SLC39A5: variants seen among roughly 807,000 people sequenced by gnomAD.
SLC39A5 encodes zinc transporter ZIP5.
In SLC39A5, 42 loss-of-function variants were observed where a neutral mutation model predicts 46.9. The ratio of observed to expected loss-of-function variants is 0.90; its 90% CI spans 0.70 to 1.16. SLC39A5 has a LOEUF of 1.16. Ranked by LOEUF, SLC39A5 falls within the 50% of genes most tolerant of loss-of-function variation. The pLI is 0.00. For synonymous variants in SLC39A5, 311 were observed against 323.1 expected (o/e 0.96, Z 0.40); for missense variants, 677 against 686.8 (o/e 0.99, Z 0.16).
At position 56,236,698 on chromosome 12, in the gene SLC39A5, G is replaced by A; in HGVS notation, c.1159G>A (p.Val387Ile). 1 of 1,612,374 alleles carries A rather than the reference G, an allele frequency of 6.2e-7. No individual in the cohort carries two copies. The highest frequency in any genetic ancestry group is 8.5e-7 in the Non-Finnish European group (1 of 1,178,886). Residue 387 changes from valine (V) to isoleucine (I), a missense_variant, in exon 10 of 13, where the codon GTC becomes ATC. By Grantham distance (29) the Val-to-Ile change is conservative. Transcript: ENST00000454355. ...HQGGTDITWM[V>I]LLGDGLHNLT... The stretch of plus-strand genomic sequence containing the variant: ...GGGTGGCACTGATATCACGTGGATG[G>A]TCCTCCTGGGAGATGGTCTACACAA...
In SLC39A5 at chr12:56,237,584, T is replaced by TCAGCTACCAGCCCTGCTTCGTCCTCCGG. The variant is rs1565603754; in HGVS notation, c.1480-3_1504dup. 6.2e-7 allele frequency: 1 copy of TCAGCTACCAGCCCTGCTTCGTCCTCCGG among 1,613,830 alleles called. No homozygotes were observed. The highest frequency in any genetic ancestry group is 8.5e-7 in the Non-Finnish European group (1 of 1,179,934). On this transcript the variant is annotated splice_polypyrimidine_tract_variant and splice_region_variant and intron_variant, in intron 12 of 12. Transcript: ENST00000454355. ...AGAATCCTGACATCCTCTTTTTCTT[T>TCAGCTACCAGCCCTGCTTCGTCCTCCGG]CAGCTACCAGCCCTGCTTCGTCCTC...
chr12:56,233,169 G>A (rs1355635124), intron 5 of SLC39A5, among the ~76,000 whole-genome samples: 1 of 148,718 alleles, frequency 6.7e-6, no homozygotes, highest in African/African-American at 2.5e-5. Context: ...AGGCTGAGGT[G>A]AGAAAATTGC....
rs749357865 is a variant in SLC39A5 at position 56,234,868 on chromosome 12, C to T, written c.516C>T (p.Pro172=). ...SQLLVNFGLS[P]AAPLTPRQFA... ...TGCTGGTCAATTTTGGCTTGAGCCC[C>T]GCTGCTCCTCTGACCCCTCGTCAGT... is the stretch of plus-strand genomic sequence containing the variant. Residue 172 remains proline, a synonymous_variant, in exon 6 of 13, where the codon CCC becomes CCT. Transcript: ENST00000454355. 1.2e-5 allele frequency: 19 copies of T among 1,613,620 alleles called. No individual in the cohort carries two copies. Among genetic ancestry groups the T allele is most frequent in the South Asian group, 3.3e-5 (3 of 91,088 alleles).
At chr12:56,235,353 C>T (rs771593457) in intron 7 of SLC39A5, 27 bp downstream of exon 7, 23 of 1,507,898 alleles carry the variant, frequency 1.5e-5, no homozygotes, top group South Asian at 2.6e-5. Flanking sequence ...CCTTGTACCC[C>T]TGGCCTCCAT....
chr12:56,235,680 C>G lies in SLC39A5; in HGVS notation c.925C>G (p.Arg309Gly). 6.2e-7 allele frequency: 1 copy of G among 1,613,932 alleles called. No homozygotes were observed. The highest frequency in any genetic ancestry group is 8.5e-7 in the Non-Finnish European group (1 of 1,179,984). ...FVLENMLGLL[R>G]HRGLRPRCCR... is the part of the protein sequence containing the mutation. ...GCTGGAGAACATGCTGGGGCTTTTGCGGCACCGAGGGCTCAGGCCAGTGAG... is the reference window on the plus strand; with the variant it reads ...GCTGGAGAACATGCTGGGGCTTTTGGGGCACCGAGGGCTCAGGCCAGTGAG... Residue 309 changes from arginine to glycine, a missense_variant, in exon 8 of 13, where the codon CGG (arginine) becomes GGG (glycine). Arg to Gly is a moderately radical substitution (Grantham distance 125, BLOSUM62 -2). Transcript: ENST00000454355.
At chr12:56,232,587 C>T in intron 4 of SLC39A5, 102 bp from the exon 5 acceptor site, 1 of 1,008,938 alleles carries the variant, frequency 9.9e-7, no homozygotes, top group Non-Finnish European at 1.4e-6. Context: ...GATCTCCAGT[C>T]AGTGGCTAGT....
At position 56,234,972 on chromosome 12, in the gene SLC39A5, G is replaced by A; in HGVS notation, c.620G>A (p.Gly207Glu). 1.2e-6 allele frequency: 2 copies of A among 1,613,310 alleles called. No individual in the cohort carries two copies. Among genetic ancestry groups the A allele is most frequent in the Non-Finnish European group, 1.7e-6 (2 of 1,180,006 alleles). ...CIGAPAPAPPGDLLSALLQSA... is the reference protein window; with the variant it reads ...CIGAPAPAPPEDLLSALLQSA... Reference sequence around the variant, plus strand: ...GGCGCTCCGGCCCCTGCACCCCCAGGGGATCTACTATCTGGTCAGCAAGTA... The same window carrying A: ...GGCGCTCCGGCCCCTGCACCCCCAGAGGATCTACTATCTGGTCAGCAAGTA... The change falls in exon 6 of 13, where the codon GGG (glycine) becomes GAG (glutamate). Residue 207 changes from glycine to glutamate, a missense_variant. Physicochemically the swap from Gly to Glu is moderately conservative, Grantham distance 98. Coordinates refer to ENST00000454355, the MANE Select transcript of SLC39A5 (RefSeq NM_173596.3).
Position 56,234,948 on chromosome 12 carries a change from GCGCTCCGGC to G in SLC39A5, c.598_606del (p.Ala200_Ala202del). The G allele has an allele frequency of 6.2e-7, 1 of 1,613,622 alleles. No individual in the cohort carries two copies. The highest frequency in any genetic ancestry group is 8.5e-7 in the Non-Finnish European group (1 of 1,180,022). On this transcript the variant is annotated inframe_deletion, in exon 6 of 13. Coordinates refer to ENST00000454355, the MANE Select transcript of SLC39A5 (RefSeq NM_173596.3). ...CAGATCGACAGCCGCGTCTGCATCG[GCGCTCCGGC>G]CCCTGCACCCCCAGGGGATCTACTA...
chr12:56,231,595 A>T (rs760698902), intron 4 of SLC39A5, 34 bp downstream of exon 4: 2 of 1,507,104 alleles, frequency 1.3e-6, no homozygotes, highest in East Asian at 4.7e-5. Context: ...ACAGGGCCAC[A>T]TCTCCCAGGT....
chr12:56,235,944 G>A, intron 8 of SLC39A5: 1 of 520,300 alleles, frequency 1.9e-6, no homozygotes, highest in Non-Finnish European at 3.4e-6. Context: ...TCAGGAGGCT[G>A]AGGCAGGAGA....
At chr12:56,233,000 G>A (rs1424470296) in intron 5 of SLC39A5, 128 bp downstream of exon 5, 31 of 960,550 alleles carry the variant, frequency 3.2e-5, no homozygotes, top group African/African-American at 3.1e-4. Context: ...GGTGGCTCAC[G>A]CCTGTAATCC....
chr12:56,232,604 A>G, intron 4 of SLC39A5, 85 bp from the exon 5 acceptor site: 6 of 1,273,440 alleles, frequency 4.7e-6, no homozygotes, highest in Non-Finnish European at 5.3e-6. Context: ...TAGTCCCCCC[A>G]TTCCCCCTAA....
In SLC39A5 at chr12:56,231,206, C is replaced by A; in HGVS notation, c.-69C>A. ...CAGCCCATTCCTCATTCTTCCAGGG[C>A]ACAGTCCTCAGGATGTTTCGGGGAG... On this transcript the variant is annotated splice_region_variant and 5_prime_UTR_variant, in exon 4 of 13. Coordinates refer to ENST00000454355, the MANE Select transcript of SLC39A5 (RefSeq NM_173596.3). The A allele has an allele frequency of 1.3e-6, 2 of 1,486,290 alleles. No individual in the cohort carries two copies. Among genetic ancestry groups the A allele is most frequent in the Non-Finnish European group, 1.8e-6 (2 of 1,102,820 alleles). 92.1% of individuals were successfully genotyped at this position (1,486,290 alleles called of 1,614,324 possible). A position where few individuals can be genotyped will look rare whatever the true frequency, so the allele number is the denominator to read the frequency against.
chr12:56,236,636 C>A lies in SLC39A5; in HGVS notation c.1097C>A (p.Ala366Asp). Reference protein sequence around the residue: ...EKNSQHPPALAPPGHQGHSHG... With the variant: ...EKNSQHPPALDPPGHQGHSHG... ...AACAGCCAGCACCCACCAGCTCTGGCCCCTCCTGGGCACCAAGGCCACAGT... is the reference window on the plus strand; with the variant it reads ...AACAGCCAGCACCCACCAGCTCTGGACCCTCCTGGGCACCAAGGCCACAGT... The change falls in exon 10 of 13, where the codon GCC becomes GAC. Residue 366 changes from alanine to aspartate, a missense_variant. Transcript: ENST00000454355. 1 of 1,613,684 alleles carries A rather than the reference C, an allele frequency of 6.2e-7. No homozygotes were observed. Among genetic ancestry groups the A allele is most frequent in the Non-Finnish European group, 8.5e-7 (1 of 1,179,720 alleles).
At chr12:56,232,992 T>C (rs1175677952) in intron 5 of SLC39A5, 120 bp downstream of exon 5, 3 of 1,046,064 alleles carry the variant, frequency 2.9e-6, no homozygotes, top group Non-Finnish European at 4.1e-6. Flanking sequence ...CCAAGCGTGG[T>C]GGCTCACGCC....
chr12:56,235,772 C>T (rs1261002190), intron 8 of SLC39A5, 72 bp downstream of exon 8: 15 of 1,592,526 alleles, frequency 9.4e-6, no homozygotes, highest in Middle Eastern at 1.7e-4. Flanking sequence ...AGGCCGGGCG[C>T]GGTGGCTCAC....
intron 3 of SLC39A5, 97 bp from the exon 4 acceptor site, chr12:56,231,107 T>G (rs1373506136): frequency 1.5e-6 from 1 of 667,878 alleles, no homozygotes; most frequent in African/African-American, 1.8e-5. Flanking sequence ...GGGCTGCTGC[T>G]GGACTCGGTG....
Position 56,237,380 on chromosome 12 carries a change from G to C in SLC39A5, c.1479+40G>C, listed in dbSNP as rs1470216130. 1.9e-6 allele frequency: 3 copies of C among 1,554,428 alleles called. No homozygotes were observed. The South Asian group carries it at 3.7e-5, about 19-fold the overall frequency. The stretch of plus-strand genomic sequence containing the variant: ...GTAGAGCAGAGAAATCAAGGGCAGT[G>C]GGGAGGCGGGAGTGGAGAGGGAGGT... On this transcript the variant is annotated intron_variant, in intron 12 of 12. Transcript: ENST00000454355.
intron 8 of SLC39A5, 124 bp from the exon 9 acceptor site, chr12:56,236,272 C>T: frequency 1.2e-6 from 1 of 836,498 alleles, no homozygotes; most frequent in South Asian, 1.6e-5. Flanking sequence ...AAGGTAGAGG[C>T]CAAAGAACAT....
Sources: gnomAD v4.1 joint callset for allele counts (sites outside exome capture counted in the v4.1 genomes callset) on GRCh38, gnomAD v4.1.1 for gene constraint, MANE v1.5 for transcripts, NCBI Gene and HGNC (gene_info 2026-07-23, HGNC 2026-07-21) for gene names.